ANAPC10: variants seen among roughly 807,000 people sequenced by gnomAD.
ANAPC10 encodes the protein anaphase-promoting complex subunit 10.
ANAPC10 carries 12 observed loss-of-function variants against 22.0 expected under a neutral mutation model. The ratio of observed to expected loss-of-function variants is 0.55; its 90% CI spans 0.35 to 0.88. The LOEUF is 0.88. Ranked by LOEUF, ANAPC10 falls within the 40% of genes least tolerant of loss-of-function variation. The pLI is 0.01. For missense variants in ANAPC10, 188 were observed against 220.9 expected (o/e 0.85, Z 0.94); for synonymous variants, 65 against 69.5 (o/e 0.94, Z 0.32).
chr4:145,061,012 C>G, intron 4 of ANAPC10, among the ~76,000 whole-genome samples: 1 of 151,962 alleles, frequency 6.6e-6, no homozygotes, highest in Non-Finnish European at 1.5e-5. Context: ...AAAGCAACAT[C>G]CAAAAATTGT....
At chr4:145,097,881 A>G in intron 1 of ANAPC10, 1 of 298,598 alleles carries the variant, frequency 3.3e-6, no homozygotes, top group South Asian at 3.0e-5. Flanking sequence ...CCGGCCCTGA[A>G]CTGACCACAC....
intron 4 of ANAPC10, among the ~76,000 whole-genome samples, chr4:145,026,987 A>ATTTTTTTT (rs1186853327): frequency 6.5e-5 from 1 of 15,370 alleles, no homozygotes; most frequent in Non-Finnish European, 1.1e-4. Flanking sequence ...ATATATATAT[A>ATTTTTTTT]TTTTTTTTTT....
chr4:145,089,401 T>A (rs1226954604), intron 2 of ANAPC10, among the ~76,000 whole-genome samples: 1 of 152,148 alleles, frequency 6.6e-6, no homozygotes, highest in Non-Finnish European at 1.5e-5. Context: ...AAATATAGAG[T>A]TAAGCACAGC....
intron 4 of ANAPC10, among the ~76,000 whole-genome samples, chr4:145,018,197 C>G (rs1024771437): frequency 2.7e-5 from 4 of 150,568 alleles, no homozygotes; most frequent in South Asian, 4.2e-4. Flanking sequence ...ATTTAAAAAG[C>G]AAAAACAAAA....
intron 4 of ANAPC10, among the ~76,000 whole-genome samples, chr4:145,033,545 G>A (rs1174120653): frequency 6.6e-6 from 1 of 152,170 alleles, no homozygotes; most frequent in African/African-American, 2.4e-5. Context: ...TGGAAGTAAG[G>A]AAGAATATGC....
intron 4 of ANAPC10, among the ~76,000 whole-genome samples, chr4:145,018,512 C>T (rs996790690): frequency 1.3e-5 from 2 of 151,982 alleles, no homozygotes; most frequent in Non-Finnish European, 2.9e-5. Context: ...GTGGCAGGCA[C>T]CTATAATCCC....
intron 4 of ANAPC10, among the ~76,000 whole-genome samples, chr4:145,013,433 T>C (rs891730634): frequency 6.6e-6 from 1 of 152,154 alleles, no homozygotes; most frequent in South Asian, 2.1e-4. Context: ...ACTCATACTG[T>C]CATCTCATTA....
intron 3 of ANAPC10, among the ~76,000 whole-genome samples, chr4:145,071,210 T>C (rs909131129): frequency 3.3e-5 from 5 of 152,098 alleles, no homozygotes; most frequent in Non-Finnish European, 7.4e-5. Flanking sequence ...ATTTCGAGAA[T>C]AGCCCGACCA....
At chr4:145,047,527 TTC>T in intron 4 of ANAPC10, among the ~76,000 whole-genome samples, 1 of 152,132 alleles carries the variant, frequency 6.6e-6, no homozygotes, top group Admixed American at 6.6e-5. Flanking sequence ...CAAATTTGAA[TTC>T]CATATCTGCC....
At chr4:145,091,301 G>A (rs1032122511) in intron 2 of ANAPC10, among the ~76,000 whole-genome samples, 7 of 152,246 alleles carry the variant, frequency 4.6e-5, no homozygotes, top group East Asian at 3.9e-4. Flanking sequence ...AATGAGGTAC[G>A]ATTCAGTGCT....
chr4:145,050,394 T>A (rs923008459), intron 4 of ANAPC10, among the ~76,000 whole-genome samples: 1 of 152,216 alleles, frequency 6.6e-6, no homozygotes, highest in Non-Finnish European at 1.5e-5. Context: ...ATGGGCAGAA[T>A]AAATTTAGCA....
chr4:145,040,129 A>ATGTGTG (rs35260688), intron 4 of ANAPC10, among the ~76,000 whole-genome samples: 2 of 148,804 alleles, frequency 1.3e-5, no homozygotes, highest in African/African-American at 5.0e-5. Context: ...GTGTGTGTGT[A>ATGTGTG]TGTGTGTGTG....
At chr4:145,075,727 G>A (rs1745092752) in intron 3 of ANAPC10, among the ~76,000 whole-genome samples, 1 of 152,184 alleles carries the variant, frequency 6.6e-6, no homozygotes, top group Admixed American at 6.5e-5. Flanking sequence ...AGTGGCAGGA[G>A]GCCCCACAAC....
chr4:145,062,569 T>C (rs181354466), intron 4 of ANAPC10, among the ~76,000 whole-genome samples: 91 of 151,782 alleles, frequency 6.0e-4, no homozygotes, highest in Admixed American at 1.4e-3. Context: ...ATCATACCAC[T>C]GCACTCCAGT....
chr4:145,017,884 C>T (rs1015210756), intron 4 of ANAPC10, among the ~76,000 whole-genome samples: 2 of 147,184 alleles, frequency 1.4e-5, no homozygotes, highest in South Asian at 2.1e-4. Flanking sequence ...AACCAAACAC[C>T]GTGTGTTCTC....
At chr4:145,079,777 A>G (rs1193663815) in intron 3 of ANAPC10, among the ~76,000 whole-genome samples, 1 of 152,196 alleles carries the variant, frequency 6.6e-6, no homozygotes. Flanking sequence ...ACAGAAACAG[A>G]AAACCAAATA....
intron 4 of ANAPC10, among the ~76,000 whole-genome samples, chr4:145,050,764 T>C (rs948410528): frequency 1.3e-5 from 2 of 152,216 alleles, no homozygotes; most frequent in Non-Finnish European, 2.9e-5. Context: ...TTTTCTTCTG[T>C]AGCTTCCTCA....
chr4:145,085,256 A>AAAAAAT (rs1158924043), intron 2 of ANAPC10, among the ~76,000 whole-genome samples: 43 of 152,264 alleles, frequency 2.8e-4, no homozygotes, highest in Non-Finnish European at 3.7e-4. Context: ...GAAACGGACA[A>AAAAAAT]AAAAATAAAA....
chr4:144,997,353 C>T (rs575742642), intron 4 of ANAPC10, among the ~76,000 whole-genome samples: 2 of 152,220 alleles, frequency 1.3e-5, no homozygotes, highest in Admixed American at 1.3e-4. Context: ...TCGGGTTGCC[C>T]ACAAAGGGAA....
Sources: gnomAD v4.1 joint callset for allele counts (sites outside exome capture counted in the v4.1 genomes callset) on GRCh38, gnomAD v4.1.1 for gene constraint, MANE v1.5 for transcripts, NCBI Gene and HGNC (gene_info 2026-07-23, HGNC 2026-07-21) for gene names.